TMEM54: variants seen among roughly 807,000 people sequenced by gnomAD.
TMEM54 encodes transmembrane protein 54, also known as beta-casein-like protein.
Under a neutral mutation model 21.3 loss-of-function variants are expected in TMEM54, and 21 were observed. That is an observed-to-expected ratio of 0.99 (90% CI 0.70 to 1.42). The LOEUF (loss-of-function observed/expected upper bound fraction) is 1.42, where lower values mean the gene tolerates loss of function less well. Among genes scored for constraint, TMEM54 ranks in the 40% most tolerant of loss-of-function variants. The pLI is 0.00. For missense variants in TMEM54, 246 were observed against 294.0 expected (o/e 0.84, Z 1.19); for synonymous variants, 109 against 125.0 (o/e 0.87, Z 0.86).
Position 32,896,059 on chromosome 1 carries a change from G to A in TMEM54, c.211-90C>T, listed in dbSNP as rs965356013. ...GCCACTCTGGGATAATGATCTCACC[G>A]GCGCCAACCATTGCCCTCCAGACTC... On this transcript the variant is annotated intron_variant, in intron 2 of 5. Transcript: ENST00000373463. The surrounding 1 kb of genome is among the most constrained non-coding windows in gnomAD (Gnocchi z 4.1). 1.9e-5 allele frequency: 27 copies of A among 1,424,374 alleles called. No homozygotes were observed. The highest frequency in any genetic ancestry group is 2.2e-5 in the Non-Finnish European group (23 of 1,052,088). The allele number at this position is 1,424,374 out of a possible 1,614,324, so 88.2% of individuals were successfully genotyped here.
Position 32,896,077 on chromosome 1 carries a change from C to T in TMEM54, c.211-108G>A. 2 of 1,179,066 alleles carry T rather than the reference C, an allele frequency of 1.7e-6. No individual in the cohort carries two copies. The highest frequency in any genetic ancestry group is 2.4e-6 in the Non-Finnish European group (2 of 845,284). 73.0% of individuals were successfully genotyped at this position (1,179,066 alleles called of 1,614,324 possible). On this transcript the variant is annotated intron_variant, in intron 2 of 5. Transcript: ENST00000373463. This position sits in a 1 kb window ranked among gnomAD's most constrained non-coding sequence, Gnocchi z 4.1. Reference sequence around the variant, plus strand: ...TCTCACCGGCGCCAACCATTGCCCTCCAGACTCCCCCACCCCTCACCTGCT... The same window carrying T: ...TCTCACCGGCGCCAACCATTGCCCTTCAGACTCCCCCACCCCTCACCTGCT...
In TMEM54 at chr1:32,897,092, G is replaced by A. The variant is rs541294371; in HGVS notation, c.210+1034C>T. ...AAAGTCCATCCTGGTGGACCTCCTCGCCCTGAGCTCACTGCCTTCCCTGCC... is the reference window on the plus strand; with the variant it reads ...AAAGTCCATCCTGGTGGACCTCCTCACCCTGAGCTCACTGCCTTCCCTGCC... On this transcript the variant is annotated intron_variant, in intron 2 of 5. Transcript: ENST00000373463. The surrounding 1 kb of genome is among the most constrained non-coding windows in gnomAD (Gnocchi z 4.9). Among the ~76,000 whole-genome samples, 3 of 152,274 alleles carry A rather than the reference G, an allele frequency of 2.0e-5. No homozygotes were observed. The highest frequency in any genetic ancestry group is 1.9e-4 in the East Asian group (1 of 5,176).
intron 1 of TMEM54, among the ~76,000 whole-genome samples, chr1:32,900,709 C>G (rs1490916256): frequency 6.6e-6 from 1 of 152,242 alleles, no homozygotes; most frequent in African/African-American, 2.4e-5. Flanking sequence ...ACTCTGCTGC[C>G]CACAAGCAGC....
rs1468951432 is a variant in TMEM54 at position 32,896,629 on chromosome 1, T to A, written c.211-660A>T. 4.6e-5 allele frequency among the ~76,000 whole-genome samples: 7 copies of A among 152,326 alleles called. No individual in the cohort carries two copies. In the South Asian group the frequency reaches 1.2e-3, roughly 27 times the overall value. ...CACACGTTTCCCTAACCAGCCTCGA[T>A]CCCAAGGGGTGGGGCTACCCCACAG... On this transcript the variant is annotated intron_variant, in intron 2 of 5. Coordinates refer to ENST00000373463, the MANE Select transcript of TMEM54 (RefSeq NM_033504.4). The surrounding 1 kb of genome is among the most constrained non-coding windows in gnomAD (Gnocchi z 4.1).
rs747674505 is a variant in TMEM54 at position 32,895,899 on chromosome 1, G to A, written c.270+11C>T. The A allele has an allele frequency of 1.2e-5, 19 of 1,610,932 alleles. No homozygotes were observed. The highest frequency in any genetic ancestry group is 1.4e-5 in the Non-Finnish European group (17 of 1,178,594). ...TTCCCTCACAGCCCCATCCCAGGAG[G>A]CACCACGTACCAGGGGGGTGCTAGG... On this transcript the variant is annotated intron_variant, in intron 3 of 5. Transcript: ENST00000373463. The surrounding 1 kb of genome is among the most constrained non-coding windows in gnomAD (Gnocchi z 5.8).
chr1:32,895,025 G>A lies in TMEM54; in HGVS notation c.595-146C>T. 6.9e-7 allele frequency: 1 copy of A among 1,452,076 alleles called. No homozygotes were observed. The highest frequency in any genetic ancestry group is 2.5e-5 in the East Asian group (1 of 39,878). 89.9% of individuals were successfully genotyped at this position (1,452,076 alleles called of 1,614,324 possible). ...ACTACCCACTCCACTGCAAGAGCCA[G>A]GCCTGACCTTTGCAATGCCCTCAGT... On this transcript the variant is annotated intron_variant, in intron 5 of 5. Coordinates refer to ENST00000373463, the MANE Select transcript of TMEM54 (RefSeq NM_033504.4). The surrounding 1 kb of genome is among the most constrained non-coding windows in gnomAD (Gnocchi z 5.8).
At chr1:32,900,932 C>G (rs1356275490) in intron 1 of TMEM54, among the ~76,000 whole-genome samples, 1 of 152,202 alleles carries the variant, frequency 6.6e-6, no homozygotes, top group African/African-American at 2.4e-5. Flanking sequence ...CTGCCGCCCA[C>G]CCGGGGGTCC....
In TMEM54 at chr1:32,895,676, A is replaced by G. The variant is rs199650383; in HGVS notation, c.338T>C (p.Leu113Ser). The G allele has an allele frequency of 2.0e-5, 31 of 1,562,110 alleles. No individual in the cohort carries two copies. The African/African-American group carries it at 4.2e-4, about 21-fold the overall frequency. ...LLSLTCALGL[L>S]ASIAMTFATQ... is the part of the protein sequence containing the mutation. ...GGCAAAGGTCATGGCGATGGAGGCCAAGAGGCCGAGGGCACAGGTCAGAGA... is the reference window on the plus strand; with the variant it reads ...GGCAAAGGTCATGGCGATGGAGGCCGAGAGGCCGAGGGCACAGGTCAGAGA... The change falls in exon 4 of 6, where the codon TTG becomes TCG. Residue 113 changes from leucine (L) to serine (S), a missense_variant. Leu to Ser is a moderately radical substitution (Grantham distance 145). Transcript: ENST00000373463. The surrounding 1 kb of genome is among the most constrained non-coding windows in gnomAD (Gnocchi z 5.8).
chr1:32,901,339 G>A lies in TMEM54; in HGVS notation c.-101C>T. The A allele has an allele frequency of 8.9e-7, 1 of 1,120,424 alleles. No homozygotes were observed. Among genetic ancestry groups the A allele is most frequent in the Non-Finnish European group, 1.1e-6 (1 of 895,794 alleles). The allele number at this position is 1,120,424 out of a possible 1,614,324, so 69.4% of individuals were successfully genotyped here. ...CATCCCGCTGGCCCGTCGCCCGCGC[G>A]CCCCGCACCGTCGCGCTCGCCCACT... On this transcript the variant is annotated 5_prime_UTR_variant, in exon 1 of 6. Transcript: ENST00000373463. This position sits in a 1 kb window ranked among gnomAD's most constrained non-coding sequence, Gnocchi z 4.2.
rs371979279 is a variant in TMEM54, at chr1:32,895,935, G to A, written c.245C>T (p.Ser82Leu). The A allele has an allele frequency of 1.2e-6, 2 of 1,613,480 alleles. No individual in the cohort carries two copies. Among genetic ancestry groups the A allele is most frequent in the Non-Finnish European group, 1.7e-6 (2 of 1,179,756 alleles). Residue 82 changes from serine (S) to leucine (L), a missense_variant, in exon 3 of 6, where the codon TCA (serine) becomes TTA (leucine). Physicochemically the swap from Ser to Leu is moderately radical, Grantham distance 145. Transcript: ENST00000373463. This position sits in a 1 kb window ranked among gnomAD's most constrained non-coding sequence, Gnocchi z 5.8. ...ITSGIAAIVL[S>L]RYLPSTPLRW... Reference sequence around the variant, plus strand: ...CAGGGGGGTGCTAGGGAGGTAGCGTGACAACACGATGGCTGCGATGCCTGA... The same window carrying A: ...CAGGGGGGTGCTAGGGAGGTAGCGTAACAACACGATGGCTGCGATGCCTGA...
Position 32,897,466 on chromosome 1 carries a change from T to C in TMEM54, c.210+660A>G, listed in dbSNP as rs1005475271. 6.6e-6 allele frequency among the ~76,000 whole-genome samples: 1 copy of C among 152,192 alleles called. No homozygotes were observed. The highest frequency in any genetic ancestry group is 2.4e-5 in the African/African-American group (1 of 41,444). On this transcript the variant is annotated intron_variant, in intron 2 of 5. Coordinates refer to ENST00000373463, the MANE Select transcript of TMEM54 (RefSeq NM_033504.4). This position sits in a 1 kb window ranked among gnomAD's most constrained non-coding sequence, Gnocchi z 4.9. Reference sequence around the variant, plus strand: ...TGTGCTAGTCAAACAGGTACTGATATCTGGTCACAACCGTGGCTACCATTC... The same window carrying C: ...TGTGCTAGTCAAACAGGTACTGATACCTGGTCACAACCGTGGCTACCATTC...
chr1:32,895,847 C>G lies in TMEM54; in HGVS notation c.270+63G>C. 1.3e-6 allele frequency: 2 copies of G among 1,582,938 alleles called. No individual in the cohort carries two copies. Among genetic ancestry groups the G allele is most frequent in the East Asian group, 2.3e-5 (1 of 44,238 alleles). Reference sequence around the variant, plus strand: ...TTACCCTCTCCAAGGAGGCCAGGCCCTTGGCGGGTGGCTGCTGCCCCTACC... The same window carrying G: ...TTACCCTCTCCAAGGAGGCCAGGCCGTTGGCGGGTGGCTGCTGCCCCTACC... On this transcript the variant is annotated intron_variant, in intron 3 of 5. Coordinates refer to ENST00000373463, the MANE Select transcript of TMEM54 (RefSeq NM_033504.4). The surrounding 1 kb of genome is among the most constrained non-coding windows in gnomAD (Gnocchi z 5.8).
chr1:32,895,480 G>A lies in TMEM54; in HGVS notation c.460-41C>T. 1 of 1,598,246 alleles carries A rather than the reference G, an allele frequency of 6.3e-7. No homozygotes were observed. The highest frequency in any genetic ancestry group is 8.6e-7 in the Non-Finnish European group (1 of 1,169,210). On this transcript the variant is annotated intron_variant, in intron 4 of 5. Coordinates refer to ENST00000373463, the MANE Select transcript of TMEM54 (RefSeq NM_033504.4). This position sits in a 1 kb window ranked among gnomAD's most constrained non-coding sequence, Gnocchi z 5.8. ...CAGAGATGGCTGGCTGGAGTTGGGG[G>A]TGGAGGGTGGATTCCAAGAGCCCTT...
At chr1:32,898,522 C>A in intron 1 of TMEM54, 1 of 507,826 alleles carries the variant, frequency 2.0e-6, no homozygotes, top group South Asian at 3.8e-5. Flanking sequence ...ATCCTTGGGA[C>A]TCTAAGGCTG....
At chr1:32,898,411 G>A in intron 1 of TMEM54, 92 bp from the exon 2 acceptor site, 2 of 1,247,450 alleles carry the variant, frequency 1.6e-6, no homozygotes, top group African/African-American at 1.5e-5. Flanking sequence ...GATGGACATT[G>A]GGTTCTAAAT....
In TMEM54 at chr1:32,898,110, C is replaced by G. The variant is rs763272153; in HGVS notation, c.210+16G>C. ...CCAGCCTCCTCCCACCAACCACCCT[C>G]CCAGCCTGGCCATACCACGATGGCG... On this transcript the variant is annotated intron_variant, in intron 2 of 5. Transcript: ENST00000373463. The G allele has an allele frequency of 1.3e-6, 2 of 1,581,668 alleles. No homozygotes were observed. Among genetic ancestry groups the G allele is most frequent in the South Asian group, 2.2e-5 (2 of 89,202 alleles).
Position 32,896,020 on chromosome 1 carries a change from G to C in TMEM54, c.211-51C>G. 6.3e-7 allele frequency: 1 copy of C among 1,585,490 alleles called. No individual in the cohort carries two copies. The highest frequency in any genetic ancestry group is 8.6e-7 in the Non-Finnish European group (1 of 1,163,496). On this transcript the variant is annotated intron_variant, in intron 2 of 5. Coordinates refer to ENST00000373463, the MANE Select transcript of TMEM54 (RefSeq NM_033504.4). This position sits in a 1 kb window ranked among gnomAD's most constrained non-coding sequence, Gnocchi z 4.1. ...TGACTCCTTGGCTGGAGGAACAGGGGCAGGGGGATCAGGGCCACTCTGGGA... is the reference window on the plus strand; with the variant it reads ...TGACTCCTTGGCTGGAGGAACAGGGCCAGGGGGATCAGGGCCACTCTGGGA...
Position 32,898,339 on chromosome 1 carries a change from C to A in TMEM54, c.17-20G>T. The A allele has an allele frequency of 6.3e-7, 1 of 1,586,068 alleles. No individual in the cohort carries two copies. The highest frequency in any genetic ancestry group is 8.6e-7 in the Non-Finnish European group (1 of 1,157,492). ...GGCCTCCTGTGGGGGACAGCTATGT[C>A]AGGGCTGTGCGTGGGGCTTATCCTG... On this transcript the variant is annotated intron_variant, in intron 1 of 5. Transcript: ENST00000373463.
chr1:32,901,198 C>T lies in TMEM54; in HGVS notation c.16+25G>A. The T allele has an allele frequency of 1.3e-6, 2 of 1,486,880 alleles. No homozygotes were observed. The highest frequency in any genetic ancestry group is 1.8e-6 in the Non-Finnish European group (2 of 1,104,640). 92.1% of individuals were successfully genotyped at this position (1,486,880 alleles called of 1,614,324 possible). On this transcript the variant is annotated intron_variant, in intron 1 of 5. Coordinates refer to ENST00000373463, the MANE Select transcript of TMEM54 (RefSeq NM_033504.4). This position sits in a 1 kb window ranked among gnomAD's most constrained non-coding sequence, Gnocchi z 4.2. ...TGGGAGGGTTGGGGTGGTTCGGGGC[C>T]TCCCGCGCGCCCCCAGTCGCTCACC...
Sources: gnomAD v4.1 joint callset for allele counts (sites outside exome capture counted in the v4.1 genomes callset) on GRCh38, gnomAD v4.1.1 for gene constraint, Gnocchi (gnomAD v3.1) non-coding constraint, MANE v1.5 for transcripts, NCBI Gene and HGNC (gene_info 2026-07-23, HGNC 2026-07-21) for gene names.